The following JMJD1C variants were observed in gnomAD, a reference collection of about 807,000 sequenced individuals.
The protein encoded by JMJD1C is jumonji domain containing 1C.
In JMJD1C, 31 loss-of-function variants were observed where a neutral mutation model predicts 245.3. The observed-to-expected ratio is 0.13, with a 90% confidence interval of 0.09 to 0.17. JMJD1C has a LOEUF of 0.17. JMJD1C is among the 10% of genes least tolerant of loss of function. JMJD1C has a pLI of 1.00. For synonymous variants in JMJD1C, 1,057 were observed against 1,017.4 expected, an observed-to-expected ratio of 1.04 and a Z score of -0.74; for missense variants, 2,691 against 3,000.2, an observed-to-expected ratio of 0.90 and a Z score of 2.41.
At chr10:63,458,329 T>TA (rs1040264814) in intron 1 of JMJD1C, among the ~76,000 whole-genome samples, 7 of 149,796 alleles carry the variant, frequency 4.7e-5, no homozygotes, top group South Asian at 2.1e-4. Context: ...CTACAAAGAG[T>TA]AAAAAAAAAT....
At chr10:63,470,684 C>G (rs1433966514), upstream of JMJD1C, among the ~76,000 whole-genome samples, 4 of 152,008 alleles carry the variant, frequency 2.6e-5, no homozygotes, top group Non-Finnish European at 5.9e-5. Context: ...AGCCAATATA[C>G]AAACATAACT....
chr10:63,183,835 T>A (rs1254174980), intron 21 of JMJD1C, among the ~76,000 whole-genome samples: 2 of 152,260 alleles, frequency 1.3e-5, no homozygotes, highest in Non-Finnish European at 2.9e-5. Flanking sequence ...TATTGGCTGT[T>A]AATTCCTAAC....
chr10:63,512,531 T>C (rs1954901209), intron 1 of JMJD1C, among the ~76,000 whole-genome samples: 1 of 152,190 alleles, frequency 6.6e-6, no homozygotes, highest in Non-Finnish European at 1.5e-5. Flanking sequence ...CTCTTCTTGC[T>C]TGCATGATTT....
intron 1 of JMJD1C, among the ~76,000 whole-genome samples, chr10:63,417,182 CT>C (rs975741345): frequency 1.3e-5 from 2 of 152,134 alleles, no homozygotes; most frequent in Non-Finnish European, 2.9e-5. Context: ...ACTCAGGAAA[CT>C]TGCCCAATTA....
chr10:63,379,259 C>T (rs1231824319), intron 2 of JMJD1C, among the ~76,000 whole-genome samples: 2 of 152,022 alleles, frequency 1.3e-5, no homozygotes, highest in African/African-American at 2.4e-5. Flanking sequence ...ATATCAAATA[C>T]CTGCAATAAT....
chr10:63,189,576 G>T (rs1459049802), intron 17 of JMJD1C, 130 bp from the exon 18 acceptor site: 1 of 772,762 alleles, frequency 1.3e-6, no homozygotes, highest in Non-Finnish European at 2.0e-6. Context: ...TTAGATTTGA[G>T]TTCCTATATT....
chr10:63,221,611 C>G (rs1389154951), intron 3 of JMJD1C, among the ~76,000 whole-genome samples: 1 of 152,344 alleles, frequency 6.6e-6, no homozygotes, highest in African/African-American at 2.4e-5. Context: ...TCTCTTTTCT[C>G]TGCACCCCCT....
intron 2 of JMJD1C, chr10:63,268,567 T>C (rs1350482314): frequency 3.8e-5 from 11 of 289,588 alleles, no homozygotes; most frequent in Non-Finnish European, 5.7e-5. Flanking sequence ...CCAGATCTTT[T>C]ATAAAAGGCA....
At chr10:63,357,966 T>C (rs1945005237) in intron 2 of JMJD1C, among the ~76,000 whole-genome samples, 1 of 149,236 alleles carries the variant, frequency 6.7e-6, no homozygotes, top group Admixed American at 6.7e-5. Flanking sequence ...AAAAAACCTC[T>C]CAAATTAGAA....
intron 1 of JMJD1C, among the ~76,000 whole-genome samples, chr10:63,396,473 G>A (rs896856335): frequency 6.6e-6 from 1 of 152,154 alleles, no homozygotes; most frequent in South Asian, 2.1e-4. Context: ...TAAAAGTAGG[G>A]GTGAGAAAGC....
chr10:63,457,423 G>T (rs148676492), intron 1 of JMJD1C, among the ~76,000 whole-genome samples: 1 of 152,086 alleles, frequency 6.6e-6, no homozygotes, highest in Non-Finnish European at 1.5e-5. Context: ...CAGTAGAGAC[G>T]GTGGATCAAA....
At chr10:63,177,062 C>A (rs1264402258) in intron 23 of JMJD1C, 1 of 152,570 alleles carries the variant, frequency 6.6e-6, no homozygotes, top group Admixed American at 6.5e-5. Context: ...TTTTACTTCA[C>A]ATTGATCACA....
intron 1 of JMJD1C, among the ~76,000 whole-genome samples, chr10:63,420,621 G>A (rs968601122): frequency 2.0e-5 from 3 of 150,644 alleles, no homozygotes; most frequent in Admixed American, 6.7e-5. Context: ...CGCGGGGCAG[G>A]GTCTGAGGCA....
At chr10:63,301,989 C>A (rs141253938) in intron 2 of JMJD1C, among the ~76,000 whole-genome samples, 5 of 152,236 alleles carry the variant, frequency 3.3e-5, no homozygotes, top group African/African-American at 1.2e-4. Flanking sequence ...GCATTGTATT[C>A]CACTGGATAG....
At chr10:63,326,269 C>A (rs780171283) in intron 2 of JMJD1C, among the ~76,000 whole-genome samples, 2 of 151,854 alleles carry the variant, frequency 1.3e-5, no homozygotes, top group Admixed American at 6.6e-5. Flanking sequence ...CCGAGACAGG[C>A]GGATCATTTG....
rs141963247 is a variant in JMJD1C at position 63,185,441 on chromosome 10, T to G, written c.6830+122A>C. ...GCCACTATGACGCTCAGCCTCAAGT[T>G]ATTTATTTTTAATTGAGAAAGAAAA... is the stretch of plus-strand genomic sequence containing the variant. On this transcript the variant is annotated intron_variant, in intron 20 of 25. Coordinates refer to ENST00000399262, the MANE Select transcript of JMJD1C (RefSeq NM_032776.3). 1,006 of 696,554 alleles carry G rather than the reference T, an allele frequency of 1.4e-3. 29 individuals are homozygous for G. In the East Asian group the frequency reaches 0.026, roughly 18 times the overall value. The allele number at this position is 696,554 out of a possible 1,614,324, so 43.1% of individuals were successfully genotyped here.
chr10:63,299,566 G>A (rs971778035), intron 2 of JMJD1C, among the ~76,000 whole-genome samples: 1 of 151,774 alleles, frequency 6.6e-6, no homozygotes, highest in Non-Finnish European at 1.5e-5. Flanking sequence ...GCTCACCTAC[G>A]GCACAAACAA....
intron 1 of JMJD1C, among the ~76,000 whole-genome samples, chr10:63,473,063 G>A (rs551917868): frequency 1.1e-4 from 16 of 151,982 alleles, no homozygotes; most frequent in African/African-American, 3.4e-4. Context: ...GATTACGGGC[G>A]TAAGCCACTG....
chr10:63,498,493 A>G (rs902301549), intron 1 of JMJD1C, among the ~76,000 whole-genome samples: 3 of 152,138 alleles, frequency 2.0e-5, no homozygotes, highest in Admixed American at 6.5e-5. Flanking sequence ...GTTAAATTAT[A>G]TTTAATTTTG....
Sources: allele counts gnomAD v4.1 joint callset (sites outside exome capture counted in the v4.1 genomes callset), GRCh38; gene constraint gnomAD v4.1.1; transcripts MANE v1.5; gene names NCBI Gene and HGNC (gene_info 2026-07-23, HGNC 2026-07-21).